The following SRPK1 variants were observed in gnomAD, a reference collection of about 807,000 sequenced individuals.
SRPK1 encodes SRSF protein kinase 1, also known as SFRS protein kinase 1.
SRPK1 carries 52 observed loss-of-function variants against 89.5 expected under a neutral mutation model. That is an observed-to-expected ratio of 0.58 (90% CI 0.46 to 0.73). The LOEUF (loss-of-function observed/expected upper bound fraction) is 0.73. Among genes scored for constraint, SRPK1 ranks in the 30% least tolerant of loss-of-function variants. The probability of loss-of-function intolerance (pLI) is 0.00; values close to 1 mark genes in which losing one functional copy is unlikely to be tolerated. For missense variants in SRPK1, 603 were observed against 780.6 expected (o/e 0.77, Z 2.71); for synonymous variants, 255 against 270.2 (o/e 0.94, Z 0.55).
intron 15 of SRPK1, 63 bp from the exon 16 acceptor site, chr6:35,835,551 G>C: frequency 6.8e-7 from 1 of 1,467,606 alleles, no homozygotes; most frequent in Non-Finnish European, 9.1e-7. Flanking sequence ...AGGTACTCTT[G>C]TGGAAACCCA....
At position 35,855,444 on chromosome 6, in the gene SRPK1, C is replaced by T. The variant is rs886958287; in HGVS notation, c.1620+1817G>A. On this transcript the variant is annotated intron_variant, in intron 13 of 15. Transcript: ENST00000373825. Reference sequence around the variant, plus strand: ...AATGCAGACAGCAAGAAATCTATGACTTAAAACAGGTTGGAATTGTTATCT... The same window carrying T: ...AATGCAGACAGCAAGAAATCTATGATTTAAAACAGGTTGGAATTGTTATCT... Among the ~76,000 whole-genome samples, 16 of 152,188 alleles carry T rather than the reference C, an allele frequency of 1.1e-4. 1 individual carries two copies. Among genetic ancestry groups the T allele is most frequent in the African/African-American group, 3.6e-4 (15 of 41,446 alleles).
chr6:35,905,458 T>C (rs1279882815), intron 2 of SRPK1, among the ~76,000 whole-genome samples: 1 of 152,182 alleles, frequency 6.6e-6, no homozygotes, highest in African/African-American at 2.4e-5. Context: ...GCAATAAGCC[T>C]AGACGACCCA....
intron 8 of SRPK1, 74 bp downstream of exon 8, chr6:35,872,489 C>T (rs1770054135): frequency 2.2e-6 from 3 of 1,356,620 alleles, no homozygotes; most frequent in East Asian, 2.7e-5. Flanking sequence ...GTGTTTAATT[C>T]CCTGGTAACA....
At chr6:35,871,721 C>T (rs1379080534) in intron 8 of SRPK1, among the ~76,000 whole-genome samples, 1 of 152,050 alleles carries the variant, frequency 6.6e-6, no homozygotes, top group Non-Finnish European at 1.5e-5. Flanking sequence ...GAAAAAAAAT[C>T]ATAAAGCAGC....
intron 12 of SRPK1, among the ~76,000 whole-genome samples, chr6:35,868,066 A>G (rs1018061322): frequency 2.6e-5 from 4 of 151,804 alleles, no homozygotes; most frequent in African/African-American, 7.3e-5. Context: ...TCTGCCTGCC[A>G]GGTTCAAGTG....
chr6:35,844,686 C>T (rs1769389791), intron 13 of SRPK1, among the ~76,000 whole-genome samples: 1 of 152,092 alleles, frequency 6.6e-6, no homozygotes, highest in South Asian at 2.1e-4. Flanking sequence ...AACTGAACCA[C>T]AGTGATAGAG....
At chr6:35,887,481 G>C (rs74370827) in intron 5 of SRPK1, among the ~76,000 whole-genome samples, 2 of 152,070 alleles carry the variant, frequency 1.3e-5, no homozygotes, top group African/African-American at 4.8e-5. Context: ...GGGTAAAGGC[G>C]ACCTAAACCC....
At chr6:35,918,322 G>A (rs367632139) in intron 2 of SRPK1, among the ~76,000 whole-genome samples, 2 of 151,786 alleles carry the variant, frequency 1.3e-5, no homozygotes, top group East Asian at 1.9e-4. Context: ...GCAACATGGC[G>A]AAACTCTCTC....
chr6:35,892,678 A>G (rs1279789290), intron 2 of SRPK1, among the ~76,000 whole-genome samples: 18 of 139,774 alleles, frequency 1.3e-4, no homozygotes, highest in African/African-American at 2.7e-4. Flanking sequence ...CAACAACAAC[A>G]ACAACAACAA....
At chr6:35,837,571 T>C (rs1421674011) in intron 15 of SRPK1, among the ~76,000 whole-genome samples, 3 of 151,988 alleles carry the variant, frequency 2.0e-5, no homozygotes, top group African/African-American at 4.8e-5. Flanking sequence ...CTCTTTTTTT[T>C]CCCCGAGACA....
At chr6:35,909,225 A>C (rs1770910365) in intron 2 of SRPK1, among the ~76,000 whole-genome samples, 1 of 152,200 alleles carries the variant, frequency 6.6e-6, no homozygotes, top group Non-Finnish European at 1.5e-5. Flanking sequence ...ATGGGATCCC[A>C]CCCCTTGCAT....
chr6:35,891,138 G>T, intron 2 of SRPK1, 125 bp from the exon 3 acceptor site: 1 of 1,146,702 alleles, frequency 8.7e-7, no homozygotes, highest in Non-Finnish European at 1.1e-6. Flanking sequence ...CCAAGTGGCA[G>T]CCTAGGAAAA....
intron 13 of SRPK1, 121 bp from the exon 14 acceptor site, chr6:35,842,725 T>TA (rs201949294): frequency 0.026 from 10,538 of 411,468 alleles, 6 homozygotes; most frequent in South Asian, 0.029. Flanking sequence ...TATAGATCAT[T>TA]TAAAAAAAAA....
intron 3 of SRPK1, 37 bp from the exon 4 acceptor site, chr6:35,888,960 G>A (rs1402271643): frequency 7.1e-7 from 1 of 1,410,468 alleles, no homozygotes; most frequent in East Asian, 2.3e-5. Context: ...AGAAAAACCA[G>A]GATGAGAAAC....
intron 2 of SRPK1, among the ~76,000 whole-genome samples, chr6:35,913,815 T>A (rs57350071): frequency 0.31 from 44,697 of 144,938 alleles, 7,179 homozygotes; most frequent in South Asian, 0.42. Flanking sequence ...GAAAAAAAAA[T>A]AAAAGAGAGA....
chr6:35,891,786 G>A (rs1739840197), intron 2 of SRPK1, among the ~76,000 whole-genome samples: 1 of 150,638 alleles, frequency 6.6e-6, no homozygotes, highest in African/African-American at 2.4e-5. Flanking sequence ...TGCTTACTTT[G>A]GCACATTCTG....
chr6:35,874,842 T>A (rs1327413075), intron 6 of SRPK1, among the ~76,000 whole-genome samples: 4 of 152,192 alleles, frequency 2.6e-5, no homozygotes, highest in African/African-American at 2.4e-5. Context: ...CATTTTTTTT[T>A]AAATAGGAAA....
intron 2 of SRPK1, among the ~76,000 whole-genome samples, chr6:35,916,000 AC>A (rs1771091345): frequency 1.3e-4 from 2 of 15,718 alleles, no homozygotes; most frequent in African/African-American, 3.4e-4. Flanking sequence ...AAATATATAC[AC>A]ACACACACAC....
chr6:35,868,123 C>T lies in SRPK1; in HGVS notation c.1512+887G>A, dbSNP rs747156415. ...AAGTAGCTGGTATTACAGGCATGCG[C>T]CAACACGCCTGGCTAATTTTTTTGT... On this transcript the variant is annotated intron_variant, in intron 12 of 15. Coordinates refer to ENST00000373825, the MANE Select transcript of SRPK1 (RefSeq NM_003137.5). Among the ~76,000 whole-genome samples the T allele has an allele frequency of 1.7e-3, 261 of 152,074 alleles. 1 individual carries two copies. The highest frequency in any genetic ancestry group is 2.4e-3 in the Non-Finnish European group (164 of 67,988).
Sources: allele counts gnomAD v4.1 joint callset (sites outside exome capture counted in the v4.1 genomes callset), GRCh38; gene constraint gnomAD v4.1.1; transcripts MANE v1.5; gene names NCBI Gene and HGNC (gene_info 2026-07-23, HGNC 2026-07-21).